The following SLC26A7 variants were observed in gnomAD, a reference collection of about 807,000 sequenced individuals.
The protein encoded by SLC26A7 is solute carrier family 26 member 7.
A neutral mutation model predicts 82.5 loss-of-function variants in SLC26A7; 59 were observed. The ratio of observed to expected loss-of-function variants is 0.72; its 90% CI spans 0.58 to 0.89. The LOEUF (loss-of-function observed/expected upper bound fraction) is 0.89. SLC26A7 is among the 40% of genes least tolerant of loss of function. The pLI is 0.00. For synonymous variants in SLC26A7, 271 were observed against 274.3 expected (o/e 0.99, Z 0.12); for missense variants, 820 against 793.0 (o/e 1.03, Z -0.41).
At chr8:91,344,275 G>T in intron 9 of SLC26A7, 1 of 891,864 alleles carries the variant, frequency 1.1e-6, no homozygotes, top group Non-Finnish European at 1.3e-6. Context: ...ACTTACCCAG[G>T]TCATAGAGGT....
chr8:91,380,495 C>T (rs1814639757), intron 15 of SLC26A7, among the ~76,000 whole-genome samples: 2 of 152,120 alleles, frequency 1.3e-5, no homozygotes, highest in Admixed American at 1.3e-4. Flanking sequence ...TTTGGCATTA[C>T]CATCACTCCT....
chr8:91,264,299 A>C (rs1811050040), intron 2 of SLC26A7, among the ~76,000 whole-genome samples: 2 of 152,100 alleles, frequency 1.3e-5, no homozygotes, highest in African/African-American at 4.8e-5. Context: ...CCCCAGAATC[A>C]CTGGGAGAAA....
intron 16 of SLC26A7, 97 bp from the exon 17 acceptor site, chr8:91,393,700 G>A (rs969950394): frequency 9.1e-6 from 12 of 1,317,108 alleles, no homozygotes; most frequent in African/African-American, 4.4e-5. Context: ...CGTAAACATC[G>A]GCTTTAAAGA....
chr8:91,327,510 C>T (rs1349625912), intron 5 of SLC26A7, among the ~76,000 whole-genome samples: 3 of 152,048 alleles, frequency 2.0e-5, no homozygotes, highest in East Asian at 1.9e-4. Flanking sequence ...TTTTTAGACA[C>T]CTATCTATAT....
At chr8:91,236,320 T>A (rs913742040) in intron 2 of SLC26A7, among the ~76,000 whole-genome samples, 1 of 152,188 alleles carries the variant, frequency 6.6e-6, no homozygotes, top group African/African-American at 2.4e-5. Context: ...GCCAAAGTTT[T>A]CAGGGAATAA....
At chr8:91,349,645 A>G (rs911901747) in intron 9 of SLC26A7, among the ~76,000 whole-genome samples, 1 of 152,168 alleles carries the variant, frequency 6.6e-6, no homozygotes, top group Non-Finnish European at 1.5e-5. Flanking sequence ...TGACCTTGGC[A>G]TAGTCACTTT....
rs969735068 is a variant in SLC26A7 at position 91,343,457 on chromosome 8, G to A, written c.1131G>A (p.Ala377=). 6.8e-6 allele frequency: 11 copies of A among 1,610,058 alleles called. No homozygotes were observed. The highest frequency in any genetic ancestry group is 3.3e-5 in the South Asian group (3 of 90,882). The change falls in exon 9 of 19, where the codon GCG becomes GCA. Residue 377 remains alanine, a synonymous_variant. Transcript: ENST00000276609. ...CGGCTGGCCTGTACAGCACAGGAGC[G>A]AAGACACAGGTAACTGAATTGTTCC... ...GRTAGLYSTG[A]KTQVACLISC... is the part of the protein sequence containing the mutation.
Position 91,217,175 on chromosome 8 carries a change from G to C in SLC26A7, c.-149-1715G>C, listed in dbSNP as rs145591297. Among the ~76,000 whole-genome samples, 47 of 152,198 alleles carry C rather than the reference G, an allele frequency of 3.1e-4. No homozygotes were observed. The South Asian group carries it at 8.9e-3, about 29-fold the overall frequency. ...TTCTTAGAGGCAGGGATTGTTTGCT[G>C]TATATCTTTGTAGCCTGACACTTTG... is the stretch of plus-strand genomic sequence containing the variant. On this transcript the variant is annotated intron_variant, in intron 1 of 5. Coordinates refer to the SLC26A7 transcript ENST00000522862.
intron 4 of SLC26A7, among the ~76,000 whole-genome samples, chr8:91,303,620 A>G (rs1307813600): frequency 6.6e-6 from 1 of 152,222 alleles, no homozygotes; most frequent in East Asian, 1.9e-4. Context: ...AAAGCCTTGT[A>G]TTATGATACT....
At chr8:91,224,135 C>T (rs991545006) in intron 2 of SLC26A7, among the ~76,000 whole-genome samples, 1 of 151,898 alleles carries the variant, frequency 6.6e-6, no homozygotes, top group Non-Finnish European at 1.5e-5. Context: ...GCTTGTTTAG[C>T]TCATTGTTGT....
chr8:91,384,826 G>T (rs1301974620), intron 15 of SLC26A7, among the ~76,000 whole-genome samples: 1 of 152,084 alleles, frequency 6.6e-6, no homozygotes, highest in African/African-American at 2.4e-5. Context: ...AATAATATGT[G>T]CACGTGTTTT....
intron 2 of SLC26A7, chr8:91,219,227 A>G (rs552472053): frequency 5.7e-5 from 19 of 336,240 alleles, no homozygotes; most frequent in Non-Finnish European, 9.6e-5. Flanking sequence ...ACAAAAAAAA[A>G]TTGAAAAATA....
At chr8:91,265,307 T>C (rs953034844) in intron 2 of SLC26A7, among the ~76,000 whole-genome samples, 10 of 152,090 alleles carry the variant, frequency 6.6e-5, no homozygotes, top group African/African-American at 1.9e-4. Flanking sequence ...CTTAGATTGA[T>C]TTCATCTCTT....
At chr8:91,226,828 A>G (rs1810245923) in intron 2 of SLC26A7, among the ~76,000 whole-genome samples, 1 of 152,246 alleles carries the variant, frequency 6.6e-6, no homozygotes, top group Non-Finnish European at 1.5e-5. Context: ...CAAGTGAATG[A>G]GTGAGTCCTA....
chr8:91,312,890 T>G (rs895693883), intron 4 of SLC26A7, among the ~76,000 whole-genome samples: 3 of 152,174 alleles, frequency 2.0e-5, no homozygotes, highest in Non-Finnish European at 2.9e-5. Flanking sequence ...TTCTGGATAT[T>G]AACACTTATC....
At chr8:91,394,990 G>C in intron 18 of SLC26A7, 72 bp from the exon 19 acceptor site, 1 of 1,536,394 alleles carries the variant, frequency 6.5e-7, no homozygotes, top group Non-Finnish European at 9.0e-7. Context: ...AGTTACTACT[G>C]TTCTTTTACT....
chr8:91,367,094 G>A (rs1337022814), intron 14 of SLC26A7, among the ~76,000 whole-genome samples: 1 of 151,534 alleles, frequency 6.6e-6, no homozygotes, highest in African/African-American at 2.4e-5. Context: ...TGCAAGCTCC[G>A]CCTCCCGGGT....
intron 2 of SLC26A7, among the ~76,000 whole-genome samples, chr8:91,273,832 A>G (rs1586349200): frequency 1.3e-5 from 2 of 152,228 alleles, no homozygotes; most frequent in African/African-American, 4.8e-5. Context: ...GGTTACATTA[A>G]TTATCCTATA....
rs1305074731 is a variant in SLC26A7 at position 91,279,131 on chromosome 8, A to ATATATATATATATATATG, written c.194-9988_194-9987insGTATATATATATATATAT. ...ATAGTATGTGTGTGTGTGTGTATAT[A>ATATATATATATATATATG]TATATATATATATATATATATATAT... On this transcript the variant is annotated intron_variant, in intron 2 of 18. Transcript: ENST00000276609. 5.1e-3 allele frequency among the ~76,000 whole-genome samples: 158 copies of ATATATATATATATATATG among 30,980 alleles called. 1 individual carries two copies. Among genetic ancestry groups the ATATATATATATATATATG allele is most frequent in the Middle Eastern group, 0.023 (1 of 44 alleles). The allele number at this position is 30,980 out of a possible 152,430, so 20.3% of individuals were successfully genotyped here.
Sources: allele counts gnomAD v4.1 joint callset (sites outside exome capture counted in the v4.1 genomes callset), GRCh38; gene constraint gnomAD v4.1.1; transcripts MANE v1.5; gene names NCBI Gene and HGNC (gene_info 2026-07-23, HGNC 2026-07-21).